Variants in SAXO1 observed in about 807,000 individuals in gnomAD.
SAXO1 encodes the protein stabilizer of axonemal microtubules 1.
In SAXO1, 21 loss-of-function variants were observed where a neutral mutation model predicts 17.5. That is an observed-to-expected ratio of 1.20 (90% CI 0.85 to 1.72). The LOEUF (loss-of-function observed/expected upper bound fraction) is 1.72. SAXO1 is among the 40% of genes most tolerant of loss of function. The pLI is 0.00. For synonymous variants in SAXO1, 274 were observed against 216.5 expected (o/e 1.27, Z -2.33); for missense variants, 843 against 596.0 (o/e 1.41, Z -4.32).
At chr9:19,015,256 C>A (rs1455624923) in intron 1 of SAXO1, among the ~76,000 whole-genome samples, 2 of 152,208 alleles carry the variant, frequency 1.3e-5, no homozygotes, top group African/African-American at 4.8e-5. Context: ...GCCTCAAGCT[C>A]CTGGGCTCCA....
chr9:19,036,266 AAAAG>A (rs1554684472), upstream of SAXO1, among the ~76,000 whole-genome samples: 13 of 151,098 alleles, frequency 8.6e-5, no homozygotes, highest in South Asian at 8.3e-4. Context: ...AAAAAAAAAA[AAAAG>A]AAAGAAAGAA....
chr9:18,935,370 T>A (rs1346364636), intron 3 of SAXO1, among the ~76,000 whole-genome samples: 2 of 152,106 alleles, frequency 1.3e-5, no homozygotes, highest in Non-Finnish European at 2.9e-5. Context: ...AGTTTATAAG[T>A]CTCATTTGGC....
At chr9:18,983,452 G>T (rs1242543443) in intron 1 of SAXO1, among the ~76,000 whole-genome samples, 2 of 152,036 alleles carry the variant, frequency 1.3e-5, no homozygotes, top group East Asian at 3.9e-4. Context: ...ATTTAGGTGG[G>T]GACACAGAGC....
intron 1 of SAXO1, among the ~76,000 whole-genome samples, chr9:19,028,565 A>G (rs1282425806): frequency 1.3e-5 from 2 of 152,206 alleles, no homozygotes; most frequent in Non-Finnish European, 2.9e-5. Flanking sequence ...TTCAAAAAAA[A>G]TTTAGATGCT....
At chr9:18,941,069 A>G (rs1831532987) in intron 3 of SAXO1, among the ~76,000 whole-genome samples, 1 of 152,164 alleles carries the variant, frequency 6.6e-6, no homozygotes. Flanking sequence ...TATAATTTGT[A>G]TACTTTTCCA....
At chr9:18,990,892 A>C (rs2131841501) in intron 1 of SAXO1, among the ~76,000 whole-genome samples, 1 of 152,314 alleles carries the variant, frequency 6.6e-6, no homozygotes, top group Middle Eastern at 3.4e-3. Context: ...AAACAAGCTC[A>C]GGGCTCCCAT....
chr9:19,010,443 C>T (rs974986875), intron 1 of SAXO1, among the ~76,000 whole-genome samples: 2 of 150,688 alleles, frequency 1.3e-5, no homozygotes, highest in African/African-American at 4.9e-5. Flanking sequence ...TCCTACTAAA[C>T]AAATATCCCA....
At chr9:18,974,245 A>G (rs1833051752) in intron 1 of SAXO1, among the ~76,000 whole-genome samples, 1 of 152,256 alleles carries the variant, frequency 6.6e-6, no homozygotes, top group Non-Finnish European at 1.5e-5. Flanking sequence ...AGAAAGCTAG[A>G]AAGACCTCTG....
chr9:18,985,121 G>A (rs144728631), intron 1 of SAXO1, among the ~76,000 whole-genome samples: 4,303 of 152,112 alleles, frequency 0.028, 86 homozygotes, highest in Non-Finnish European at 0.045. Flanking sequence ...GGAGGCCCAA[G>A]GAGAAGGAGA....
intron 3 of SAXO1, among the ~76,000 whole-genome samples, chr9:18,933,272 C>T (rs947922060): frequency 1.3e-5 from 2 of 152,072 alleles, no homozygotes; most frequent in Admixed American, 1.3e-4. Context: ...TTCTATCAAC[C>T]AAGTGGCTTT....
chr9:19,036,036 A>G (rs1208028397), upstream of SAXO1, among the ~76,000 whole-genome samples: 1 of 149,882 alleles, frequency 6.7e-6, no homozygotes, highest in Non-Finnish European at 1.5e-5. Flanking sequence ...GTTCTCACTC[A>G]TAAGTGGGAG....
At chr9:18,941,958 C>T (rs1478708513) in intron 2 of SAXO1, 119 bp from the exon 3 acceptor site, 1 of 867,834 alleles carries the variant, frequency 1.2e-6, no homozygotes, top group Non-Finnish European at 1.8e-6. Flanking sequence ...TACCTGCCTT[C>T]CCTCCTCCCC....
In SAXO1 at chr9:19,028,172, C is replaced by A. The variant is rs1479482176; in HGVS notation, c.38+4699G>T. 6 of 1,379,738 alleles carry A rather than the reference C, an allele frequency of 4.3e-6. No homozygotes were observed. The South Asian group carries it at 4.8e-5, about 11-fold the overall frequency. 85.5% of individuals were successfully genotyped at this position (1,379,738 alleles called of 1,614,324 possible). A position where few individuals can be genotyped will look rare whatever the true frequency, so the allele number is the denominator to read the frequency against. On this transcript the variant is annotated intron_variant, in intron 1 of 3. Transcript: ENST00000380534. ...CAGCCCCGGACTCGCGGCTGAAGTG[C>A]GCAATAAAAGATGGTTTAGAGGCAA...
At chr9:18,992,415 T>C (rs892749197) in intron 1 of SAXO1, among the ~76,000 whole-genome samples, 5 of 152,210 alleles carry the variant, frequency 3.3e-5, no homozygotes, top group African/African-American at 1.2e-4. Flanking sequence ...ATTTTCTCTT[T>C]TAATAAGGAT....
At chr9:19,037,744 T>C (rs1394067397), upstream of SAXO1, among the ~76,000 whole-genome samples, 2 of 152,156 alleles carry the variant, frequency 1.3e-5, no homozygotes, top group Admixed American at 6.5e-5. Context: ...GGTATCAAAA[T>C]TTCCTCCCCT....
At chr9:18,930,854 A>C (rs1014556532) in intron 3 of SAXO1, among the ~76,000 whole-genome samples, 3 of 152,150 alleles carry the variant, frequency 2.0e-5, no homozygotes, top group Non-Finnish European at 4.4e-5. Context: ...AGGTTGCCCC[A>C]TCAGGCCCAT....
At chr9:19,006,271 T>A (rs1458106085) in intron 1 of SAXO1, among the ~76,000 whole-genome samples, 4 of 152,182 alleles carry the variant, frequency 2.6e-5, no homozygotes, top group African/African-American at 9.7e-5. Context: ...GACTTTCAGG[T>A]ATGTATCCAA....
intron 1 of SAXO1, among the ~76,000 whole-genome samples, chr9:19,031,727 AC>A (rs1835783076): frequency 1.3e-5 from 2 of 152,152 alleles, no homozygotes; most frequent in Admixed American, 6.5e-5. Flanking sequence ...GGCCAGAATC[AC>A]CTTTAGACAG....
intron 1 of SAXO1, among the ~76,000 whole-genome samples, chr9:19,007,001 C>T (rs1834507079): frequency 6.7e-6 from 1 of 149,802 alleles, no homozygotes; most frequent in African/African-American, 2.5e-5. Flanking sequence ...GATGAGATTG[C>T]ACCACTGCAC....
Sources: gnomAD v4.1 joint callset for allele counts (sites outside exome capture counted in the v4.1 genomes callset) on GRCh38, gnomAD v4.1.1 for gene constraint, MANE v1.5 for transcripts, NCBI Gene and HGNC (gene_info 2026-07-23, HGNC 2026-07-21) for gene names.